ALPK2: variants seen among roughly 807,000 people sequenced by gnomAD.
ALPK2 encodes the protein alpha-protein kinase 2.
Under a neutral mutation model 163.1 loss-of-function variants are expected in ALPK2, and 127 were observed. The observed-to-expected ratio is 0.78, with a 90% CI of 0.67 to 0.90. ALPK2 has a LOEUF of 0.90. Among genes scored for constraint, ALPK2 ranks in the 40% least tolerant of loss-of-function variants. The probability of loss-of-function intolerance (pLI) is 0.00; values close to 1 mark genes in which losing one functional copy is unlikely to be tolerated. For missense variants in ALPK2, 2,360 were observed against 2,589.6 expected, an observed-to-expected ratio of 0.91 and a Z score of 1.92; for synonymous variants, 953 against 959.1, an observed-to-expected ratio of 0.99 and a Z score of 0.12.
chr18:58,608,941 G>A (rs2052112857), intron 2 of ALPK2, among the ~76,000 whole-genome samples: 1 of 147,696 alleles, frequency 6.8e-6, no homozygotes, highest in South Asian at 2.2e-4. Flanking sequence ...CTGGGCGACA[G>A]AGTGGGACCT....
chr18:58,488,652 G>A (rs1602182049), intron 12 of ALPK2, among the ~76,000 whole-genome samples: 1 of 151,970 alleles, frequency 6.6e-6, no homozygotes, highest in East Asian at 1.9e-4. Context: ...ATGCCAACCA[G>A]AAGCTACATT....
intron 10 of ALPK2, among the ~76,000 whole-genome samples, chr18:58,513,268 G>A (rs2051504024): frequency 6.6e-6 from 1 of 151,854 alleles, no homozygotes; most frequent in Non-Finnish European, 1.5e-5. Context: ...TGTGTAGGGG[G>A]TGTGTATGTG....
intron 5 of ALPK2, among the ~76,000 whole-genome samples, chr18:58,532,068 G>A (rs981833058): frequency 7.3e-5 from 11 of 151,294 alleles, no homozygotes; most frequent in Non-Finnish European, 1.2e-4. Flanking sequence ...GTGTTGATTC[G>A]TATGGATTAG....
chr18:58,504,959 G>A (rs1398776899), intron 10 of ALPK2, among the ~76,000 whole-genome samples: 1 of 152,152 alleles, frequency 6.6e-6, no homozygotes, highest in Non-Finnish European at 1.5e-5. Flanking sequence ...CGGGAGTGCA[G>A]GGAGCCAGGG....
intron 4 of ALPK2, among the ~76,000 whole-genome samples, chr18:58,576,965 C>T (rs1195361922): frequency 6.6e-6 from 1 of 152,218 alleles, no homozygotes; most frequent in Non-Finnish European, 1.5e-5. Context: ...CAACAGTGTT[C>T]ACGGTTCTGA....
intron 4 of ALPK2, among the ~76,000 whole-genome samples, chr18:58,565,164 CATGA>C (rs1467274735): frequency 6.6e-6 from 1 of 151,876 alleles, no homozygotes; most frequent in East Asian, 1.9e-4. Context: ...GCCAGTTACC[CATGA>C]ACATTTCCTT....
intron 4 of ALPK2, among the ~76,000 whole-genome samples, chr18:58,543,970 T>C (rs923473209): frequency 2.6e-5 from 4 of 152,190 alleles, no homozygotes; most frequent in African/African-American, 9.7e-5. Flanking sequence ...TGAAACACTT[T>C]GGATATGAAA....
intron 5 of ALPK2, 38 bp downstream of exon 5, chr18:58,534,796 C>T: frequency 2.6e-6 from 4 of 1,559,656 alleles, no homozygotes; most frequent in Non-Finnish European, 3.5e-6. Context: ...GTCTACAAGC[C>T]CAAACTTTAA....
intron 1 of ALPK2, among the ~76,000 whole-genome samples, chr18:58,614,981 ATT>A (rs36032036): frequency 1.1e-4 from 15 of 140,288 alleles, no homozygotes; most frequent in African/African-American, 3.4e-4. Flanking sequence ...TCTATTATGG[ATT>A]TTTTTTTTTT....
At chr18:58,532,791 C>G (rs2051622970) in intron 5 of ALPK2, among the ~76,000 whole-genome samples, 1 of 152,150 alleles carries the variant, frequency 6.6e-6, no homozygotes, top group East Asian at 1.9e-4. Context: ...TCATTAGCAC[C>G]CCCATTTTAC....
chr18:58,518,368 G>A (rs1270523351), intron 8 of ALPK2, among the ~76,000 whole-genome samples: 1 of 152,196 alleles, frequency 6.6e-6, no homozygotes, highest in Admixed American at 6.5e-5. Flanking sequence ...AGGGAGTGGG[G>A]TTTGGTGGAT....
chr18:58,617,635 T>C (rs1334874112), intron 1 of ALPK2, among the ~76,000 whole-genome samples: 2 of 152,236 alleles, frequency 1.3e-5, no homozygotes, highest in Non-Finnish European at 2.9e-5. Context: ...AAGAATCTGG[T>C]ATCCTTTTAG....
At chr18:58,596,884 G>A (rs900357871) in intron 3 of ALPK2, among the ~76,000 whole-genome samples, 1 of 152,130 alleles carries the variant, frequency 6.6e-6, no homozygotes, top group Non-Finnish European at 1.5e-5. Context: ...GCAGTGGTAT[G>A]ATCATGGCTC....
chr18:58,493,487 A>G (rs1014770617), intron 12 of ALPK2, among the ~76,000 whole-genome samples: 1 of 152,154 alleles, frequency 6.6e-6, no homozygotes, highest in East Asian at 1.9e-4. Context: ...AAAGCATCCC[A>G]GGTGGCTGCC....
At chr18:58,485,709 G>A (rs143401390) in intron 12 of ALPK2, among the ~76,000 whole-genome samples, 1 of 152,206 alleles carries the variant, frequency 6.6e-6, no homozygotes, top group Non-Finnish European at 1.5e-5. Flanking sequence ...AGTGTTTCCT[G>A]TATGCCTGAG....
intron 4 of ALPK2, among the ~76,000 whole-genome samples, chr18:58,556,022 A>C (rs991526820): frequency 1.3e-5 from 2 of 152,094 alleles, no homozygotes; most frequent in African/African-American, 4.8e-5. Context: ...AGGTTTCACC[A>C]TGTTAGCCAG....
At chr18:58,499,484 G>C (rs1827200389) in intron 11 of ALPK2, among the ~76,000 whole-genome samples, 1 of 152,158 alleles carries the variant, frequency 6.6e-6, no homozygotes, top group South Asian at 2.1e-4. Context: ...GCACTTCCCT[G>C]ATGCCCAGAG....
chr18:58,601,932 C>A (rs1484916000), intron 3 of ALPK2, among the ~76,000 whole-genome samples: 1 of 152,172 alleles, frequency 6.6e-6, no homozygotes, highest in Non-Finnish European at 1.5e-5. Context: ...GGGGATTGAC[C>A]TGTGTACTGT....
intron 12 of ALPK2, among the ~76,000 whole-genome samples, chr18:58,484,887 T>C (rs2051330966): frequency 6.6e-6 from 1 of 152,172 alleles, no homozygotes. Flanking sequence ...ATTATCAACA[T>C]TACAACTGAT....
Sources: allele counts gnomAD v4.1 joint callset (sites outside exome capture counted in the v4.1 genomes callset), GRCh38; gene constraint gnomAD v4.1.1; transcripts MANE v1.5; gene names NCBI Gene and HGNC (gene_info 2026-07-23, HGNC 2026-07-21).